The following FREM3 variants were observed in gnomAD, a reference collection of about 807,000 sequenced individuals.
FREM3 encodes FRAS1 related extracellular matrix 3, also known as FRAS1-related extracellular matrix protein 3.
FREM3 carries 105 observed loss-of-function variants against 129.1 expected under a neutral mutation model. That is an observed-to-expected ratio of 0.81 (90% confidence interval 0.69 to 0.96). The LOEUF is 0.96. Ranked by LOEUF, FREM3 falls within the 40% of genes least tolerant of loss-of-function variation. The pLI, the probability that FREM3 is intolerant of heterozygous loss-of-function variation, is 0.00. For synonymous variants in FREM3, 1,014 were observed against 1,044.9 expected (o/e 0.97, Z 0.57); for missense variants, 2,593 against 2,666.3 (o/e 0.97, Z 0.61).
Position 143,698,460 on chromosome 4 carries a change from T to G in FREM3, c.2216A>C (p.Asn739Thr). 1 of 1,537,854 alleles carries G rather than the reference T, an allele frequency of 6.5e-7. No individual in the cohort carries two copies. The change falls in exon 1 of 8, where the codon AAC becomes ACC. Residue 739 changes from asparagine to threonine, a missense_variant. By Grantham distance (65) the Asn-to-Thr change is moderately conservative. Coordinates refer to ENST00000329798, the MANE Select transcript of FREM3 (RefSeq NM_001168235.2). Reference sequence around the variant, plus strand: ...GAGTGTCAGTAGGGTGTACCATAGGTTCTGGTCATCAGAGTCCTGGTCAAT... The same window carrying G: ...GAGTGTCAGTAGGGTGTACCATAGGGTCTGGTCATCAGAGTCCTGGTCAAT... ...RYIDQDSDDQ[N>T]LWYTLLTLPT...
In FREM3 at chr4:143,589,783, C is replaced by A. The variant is rs1738321699; in HGVS notation, c.6029-3790G>T. On this transcript the variant is annotated intron_variant, in intron 6 of 7. Coordinates refer to ENST00000329798, the MANE Select transcript of FREM3 (RefSeq NM_001168235.2). ...TTTTTTCGAATTCTGTGAAGAAAGT[C>A]ATTGGTGTCTTGATGGGGATGGCAT... Among the ~76,000 whole-genome samples the A allele has an allele frequency of 2.0e-5, 3 of 152,274 alleles. No individual in the cohort carries two copies. The South Asian group carries it at 6.2e-4, about 32-fold the overall frequency.
intron 2 of FREM3, among the ~76,000 whole-genome samples, chr4:143,642,806 T>A (rs564699195): frequency 1.1e-4 from 16 of 152,072 alleles, no homozygotes; most frequent in African/African-American, 3.6e-4. Context: ...CAAACTCACA[T>A]GCTTTTGCAC....
chr4:143,617,822 G>A (rs1392718645), intron 5 of FREM3, among the ~76,000 whole-genome samples: 1 of 152,156 alleles, frequency 6.6e-6, no homozygotes, highest in Admixed American at 6.6e-5. Context: ...TCTAGTTTGG[G>A]TCTTGCAATA....
chr4:143,683,892 C>T (rs1042257216), intron 2 of FREM3, among the ~76,000 whole-genome samples: 5 of 152,064 alleles, frequency 3.3e-5, no homozygotes, highest in African/African-American at 1.2e-4. Context: ...GCCGGCTTTC[C>T]CCCTCTTCCC....
intron 6 of FREM3, among the ~76,000 whole-genome samples, chr4:143,603,500 T>A (rs1245855844): frequency 7.2e-5 from 11 of 152,196 alleles, no homozygotes; most frequent in African/African-American, 1.7e-4. Context: ...TGCGGTCTGC[T>A]CTTTAGACAT....
intron 5 of FREM3, among the ~76,000 whole-genome samples, chr4:143,620,213 T>C (rs1738921698): frequency 1.3e-5 from 2 of 152,176 alleles, no homozygotes; most frequent in Admixed American, 1.3e-4. Context: ...TGCCTGCTTC[T>C]ACTGAGCCAA....
intron 2 of FREM3, among the ~76,000 whole-genome samples, chr4:143,639,967 C>T (rs1447822685): frequency 1.3e-5 from 2 of 152,130 alleles, no homozygotes; most frequent in Non-Finnish European, 2.9e-5. Context: ...CTTTCTACCT[C>T]TCCATCGTCT....
At chr4:143,638,576 T>A (rs1013294022) in intron 2 of FREM3, among the ~76,000 whole-genome samples, 1 of 152,164 alleles carries the variant, frequency 6.6e-6, no homozygotes, top group Non-Finnish European at 1.5e-5. Flanking sequence ...CAAGTGACTG[T>A]GAACTTTCAT....
intron 2 of FREM3, among the ~76,000 whole-genome samples, chr4:143,673,264 G>T (rs1004276334): frequency 6.6e-6 from 1 of 152,156 alleles, no homozygotes; most frequent in African/African-American, 2.4e-5. Flanking sequence ...GTACAGACGG[G>T]GTTTTGGTGT....
At position 143,697,969 on chromosome 4, in the gene FREM3, GGTAAGAGACACTCCC is replaced by G. The variant is rs1219089153; in HGVS notation, c.2692_2706del (p.Gly898_Tyr902del). ...GTAGTCGTCTGGTCTCTGCCATGCTGGTAAGAGACACTCCCGTTAATAACATCAGCTTGCATGAAA... is the reference window on the plus strand; with the variant it reads ...GTAGTCGTCTGGTCTCTGCCATGCTGGTTAATAACATCAGCTTGCATGAAA... On this transcript the variant is annotated inframe_deletion, in exon 1 of 8. Transcript: ENST00000329798. 6.5e-7 allele frequency: 1 copy of G among 1,537,508 alleles called. No homozygotes were observed. Among genetic ancestry groups the G allele is most frequent in the Admixed American group, 2.0e-5 (1 of 51,002 alleles).
chr4:143,644,046 A>T (rs564527206), intron 2 of FREM3, among the ~76,000 whole-genome samples: 25 of 152,178 alleles, frequency 1.6e-4, no homozygotes, highest in Non-Finnish European at 3.1e-4. Flanking sequence ...ATGCTGCTGC[A>T]TAATTTAACA....
intron 2 of FREM3, among the ~76,000 whole-genome samples, chr4:143,651,799 A>C (rs1739515416): frequency 6.6e-6 from 1 of 152,218 alleles, no homozygotes; most frequent in Non-Finnish European, 1.5e-5. Flanking sequence ...ACTTCTTAAC[A>C]GATGGAAGGA....
intron 2 of FREM3, among the ~76,000 whole-genome samples, chr4:143,631,093 A>G (rs1044467631): frequency 1.3e-5 from 2 of 152,184 alleles, no homozygotes; most frequent in African/African-American, 4.8e-5. Flanking sequence ...AATCAGAGAT[A>G]AATGGCTCCC....
intron 2 of FREM3, among the ~76,000 whole-genome samples, chr4:143,631,508 T>G (rs1739139749): frequency 6.6e-6 from 1 of 152,194 alleles, no homozygotes; most frequent in Non-Finnish European, 1.5e-5. Context: ...AATGCCTGGC[T>G]AATTCTAAAT....
chr4:143,659,002 T>A (rs1739650366), intron 2 of FREM3, among the ~76,000 whole-genome samples: 2 of 151,222 alleles, frequency 1.3e-5, no homozygotes, highest in South Asian at 4.2e-4. Flanking sequence ...TAATGCCTAC[T>A]CATTCAGGTC....
At chr4:143,670,260 A>T (rs1739943776) in intron 2 of FREM3, among the ~76,000 whole-genome samples, 1 of 152,196 alleles carries the variant, frequency 6.6e-6, no homozygotes, top group African/African-American at 2.4e-5. Flanking sequence ...GAAGAATTAA[A>T]AATATCCTGA....
chr4:143,625,130 T>C (rs984374057), intron 3 of FREM3, among the ~76,000 whole-genome samples: 5 of 152,110 alleles, frequency 3.3e-5, no homozygotes, highest in Non-Finnish European at 5.9e-5. Context: ...CAATGTGAGA[T>C]ACAATGGTGA....
rs141068579 is a variant in FREM3 at position 143,665,188 on chromosome 4, G to A, written c.5275+27925C>T. ...ATCACCCGTCTTCTGCGTTGCTCAC[G>A]CTGGGAGCTGTAGACTGGAGCTGTT... On this transcript the variant is annotated intron_variant, in intron 2 of 7. Transcript: ENST00000329798. Among the ~76,000 whole-genome samples the A allele has an allele frequency of 4.6e-3, 701 of 152,186 alleles. 7 individuals are homozygous for A. The highest frequency in any genetic ancestry group is 0.01 in the Admixed American group (156 of 15,270).
At chr4:143,694,055 T>C (rs1386848452) in intron 1 of FREM3, among the ~76,000 whole-genome samples, 1 of 152,126 alleles carries the variant, frequency 6.6e-6, no homozygotes, top group Admixed American at 6.6e-5. Context: ...GTACTGGGCT[T>C]AAATACCGGG....
Sources: allele counts gnomAD v4.1 joint callset (sites outside exome capture counted in the v4.1 genomes callset), GRCh38; gene constraint gnomAD v4.1.1; transcripts MANE v1.5; gene names NCBI Gene and HGNC (gene_info 2026-07-23, HGNC 2026-07-21).